TMEM260: variants seen among roughly 807,000 people sequenced by gnomAD.
TMEM260 encodes the protein protein O-mannosyl-transferase TMEM260.
TMEM260 carries 82 observed loss-of-function variants against 88.9 expected under a neutral mutation model. The observed-to-expected ratio is 0.92, with a 90% CI of 0.77 to 1.11. The LOEUF (loss-of-function observed/expected upper bound fraction) is 1.11, where lower values mean the gene tolerates loss of function less well. TMEM260 is among the 50% of genes least tolerant of loss of function. TMEM260 has a pLI of 0.00. For synonymous variants in TMEM260, 314 were observed against 309.3 expected (o/e 1.02, Z -0.16); for missense variants, 902 against 853.4 (o/e 1.06, Z -0.71).
Position 56,647,363 on chromosome 14 carries a change from T to C in TMEM260, c.1990T>C (p.Leu664=). Residue 664 remains leucine, a synonymous_variant, in exon 16 of 16, where the codon TTA becomes CTA. Transcript: ENST00000261556. The part of the protein sequence containing the change: ...QARDADPEVL[L]SETIRHFRLY... Reference sequence around the variant, plus strand: ...AAGAGATGCAGATCCTGAAGTGCTGTTATCGGAAACCATCAGACATTTCCG... The same window carrying C: ...AAGAGATGCAGATCCTGAAGTGCTGCTATCGGAAACCATCAGACATTTCCG... 2.5e-6 allele frequency: 4 copies of C among 1,614,190 alleles called. 1 individual carries two copies. The highest frequency in any genetic ancestry group is 2.2e-5 in the South Asian group (2 of 91,086).
chr14:56,599,041 C>G (rs1440447743), intron 3 of TMEM260, among the ~76,000 whole-genome samples: 2 of 152,174 alleles, frequency 1.3e-5, no homozygotes, highest in African/African-American at 4.8e-5. Flanking sequence ...CCACTTTTCA[C>G]TCCCTGGTAT....
At chr14:56,626,469 A>G (rs1199288834) in intron 12 of TMEM260, among the ~76,000 whole-genome samples, 1 of 152,220 alleles carries the variant, frequency 6.6e-6, no homozygotes, top group Non-Finnish European at 1.5e-5. Context: ...AGCAGTAGAA[A>G]GATGAATGGG....
chr14:56,587,062 C>T (rs1157856361), intron 3 of TMEM260, among the ~76,000 whole-genome samples: 1 of 151,290 alleles, frequency 6.6e-6, no homozygotes, highest in Non-Finnish European at 1.5e-5. Flanking sequence ...TAGAATTGTT[C>T]CTTCTGAGTC....
intron 4 of TMEM260, 86 bp from the exon 5 acceptor site, chr14:56,605,484 G>T: frequency 1.6e-6 from 1 of 616,764 alleles, no homozygotes. Flanking sequence ...CGAATGCTTG[G>T]TTTTAATATA....
intron 3 of TMEM260, among the ~76,000 whole-genome samples, chr14:56,592,182 C>T (rs1885907126): frequency 2.0e-5 from 3 of 152,098 alleles, no homozygotes; most frequent in African/African-American, 7.2e-5. Context: ...AAGTTTTTAT[C>T]TGGAATGACA....
chr14:56,639,503 T>C (rs542699517), intron 15 of TMEM260, among the ~76,000 whole-genome samples: 17 of 152,240 alleles, frequency 1.1e-4, no homozygotes, highest in African/African-American at 2.9e-4. Context: ...TATAGAAATA[T>C]GTAGTATAGG....
intron 5 of TMEM260, 123 bp downstream of exon 5, chr14:56,605,806 C>A: frequency 1.8e-6 from 1 of 569,304 alleles, no homozygotes; most frequent in Non-Finnish European, 3.0e-6. Flanking sequence ...ATAAATAACC[C>A]TAGGGCCTAA....
At chr14:56,637,739 A>G (rs1376481810) in intron 15 of TMEM260, among the ~76,000 whole-genome samples, 2 of 152,166 alleles carry the variant, frequency 1.3e-5, no homozygotes, top group East Asian at 3.9e-4. Flanking sequence ...GACTACTTTT[A>G]CTCCTCAATT....
chr14:56,654,742 A>C (rs1289222294), downstream of TMEM260, among the ~76,000 whole-genome samples: 1 of 133,028 alleles, frequency 7.5e-6, no homozygotes, highest in Non-Finnish European at 1.5e-5. Context: ...TGAACCCGGG[A>C]GGCAGAGGTT....
In TMEM260 at chr14:56,621,538, G is replaced by A. The variant is rs1887917949; in HGVS notation, c.1234G>A (p.Asp412Asn). Residue 412 changes from aspartate (D) to asparagine (N), a missense_variant, in exon 11 of 16, where the codon GAC (aspartate) becomes AAC (asparagine). By Grantham distance (23) the Asp-to-Asn change is conservative. Transcript: ENST00000261556. ...TTGGATCCTTTTATTTAGTGTTTGTGACCAAAGGACCAACTATGTGATTGA... is the reference window on the plus strand; with the variant it reads ...TTGGATCCTTTTATTTAGTGTTTGTAACCAAAGGACCAACTATGTGATTGA... ...YQIYSNYSVC[D>N]QRTNYVIDKF... 2.5e-6 allele frequency: 4 copies of A among 1,599,888 alleles called. No individual in the cohort carries two copies. Among genetic ancestry groups the A allele is most frequent in the South Asian group, 1.1e-5 (1 of 87,256 alleles).
intron 12 of TMEM260, among the ~76,000 whole-genome samples, chr14:56,630,066 AAGT>A (rs1888489545): frequency 6.6e-6 from 1 of 152,098 alleles, no homozygotes; most frequent in Non-Finnish European, 1.5e-5. Context: ...AGAAAAAAAA[AAGT>A]AAGTTAATTT....
chr14:56,655,017 T>C (rs1890275934), downstream of TMEM260, among the ~76,000 whole-genome samples: 1 of 152,242 alleles, frequency 6.6e-6, no homozygotes, highest in South Asian at 2.1e-4. Flanking sequence ...ATAATAGCTG[T>C]TATTATAACA....
the TMEM260 span, among the ~76,000 whole-genome samples, chr14:56,658,982 A>G: frequency 1.4e-4 from 21 of 152,276 alleles, no homozygotes; most frequent in African/African-American, 5.1e-4. Flanking sequence ...CGCCCACCTC[A>G]GCCTCCCAAA....
rs538350558 is a variant in TMEM260 at position 56,634,516 on chromosome 14, A to T, written c.1725-383A>T. 1.1e-4 allele frequency among the ~76,000 whole-genome samples: 16 copies of T among 152,326 alleles called. No homozygotes were observed. In the East Asian group the frequency reaches 3.1e-3, roughly 29 times the overall value. ...AGATTCATCTTATTGGCCTTGTCAG[A>T]TGATAAAACAGTTATGACCTATCCA... On this transcript the variant is annotated intron_variant, in intron 13 of 15. Coordinates refer to ENST00000261556, the MANE Select transcript of TMEM260 (RefSeq NM_017799.4).
the TMEM260 span, among the ~76,000 whole-genome samples, chr14:56,660,530 A>G: frequency 2.0e-5 from 3 of 152,176 alleles, no homozygotes; most frequent in African/African-American, 7.2e-5. Context: ...GATTGTATTA[A>G]CTTTACAGAT....
chr14:56,622,947 G>T (rs918003367), intron 11 of TMEM260, among the ~76,000 whole-genome samples: 1 of 152,090 alleles, frequency 6.6e-6, no homozygotes, highest in Admixed American at 6.6e-5. Context: ...TATGTTATTT[G>T]TTAATAACAT....
intron 13 of TMEM260, chr14:56,633,531 T>C (rs1479677847): frequency 6.2e-6 from 1 of 160,018 alleles, no homozygotes; most frequent in Non-Finnish European, 1.4e-5. Context: ...TAAAAGGCAT[T>C]CTGTTGTTTA....
At chr14:56,603,631 A>T (rs1027194181) in intron 3 of TMEM260, among the ~76,000 whole-genome samples, 184 bp from the exon 4 acceptor site, 1 of 152,200 alleles carries the variant, frequency 6.6e-6, no homozygotes, top group Non-Finnish European at 1.5e-5. Context: ...ATAGGTTAAC[A>T]TATGAACTTC....
chr14:56,626,499 T>C (rs1258750387), intron 12 of TMEM260, among the ~76,000 whole-genome samples: 2 of 152,154 alleles, frequency 1.3e-5, no homozygotes, highest in African/African-American at 4.8e-5. Flanking sequence ...CAAATCCAAA[T>C]AGAACACAAT....
Sources: gnomAD v4.1 joint callset for allele counts (sites outside exome capture counted in the v4.1 genomes callset) on GRCh38, gnomAD v4.1.1 for gene constraint, MANE v1.5 for transcripts, NCBI Gene and HGNC (gene_info 2026-07-23, HGNC 2026-07-21) for gene names.